The following LARGE1 variants were observed in gnomAD, a reference collection of about 807,000 sequenced individuals.
LARGE1 encodes xylosyl- and glucuronyltransferase LARGE1.
In LARGE1, 43 loss-of-function variants were observed where a neutral mutation model predicts 87.6. That is an observed-to-expected ratio of 0.49 (90% CI 0.38 to 0.63). The LOEUF (loss-of-function observed/expected upper bound fraction) is 0.63, where lower values mean the gene tolerates loss of function less well. Among genes scored for constraint, LARGE1 ranks in the 30% least tolerant of loss-of-function variants. The pLI is 0.00. For missense variants in LARGE1, 802 were observed against 1,000.2 expected (o/e 0.80, Z 2.67); for synonymous variants, 434 against 394.6 (o/e 1.10, Z -1.18).
At chr22:33,811,895 C>T (rs898701600) in intron 1 of LARGE1, among the ~76,000 whole-genome samples, 4 of 152,152 alleles carry the variant, frequency 2.6e-5, no homozygotes, top group African/African-American at 9.7e-5. Context: ...CAGCCCAGAA[C>T]TGTGACAAAT....
chr22:33,776,532 C>A lies in LARGE1; in HGVS notation c.-82-14974G>T, dbSNP rs576904561. On this transcript the variant is annotated intron_variant, in intron 1 of 14. Coordinates refer to ENST00000397394, the MANE Select transcript of LARGE1 (RefSeq NM_133642.5). Reference sequence around the variant, plus strand: ...TATGTTTTTCTTCTGAATGTTAAATCAGCCCTTAATCACATCCATGGGACT... The same window carrying A: ...TATGTTTTTCTTCTGAATGTTAAATAAGCCCTTAATCACATCCATGGGACT... 2.0e-5 allele frequency among the ~76,000 whole-genome samples: 3 copies of A among 152,328 alleles called. No individual in the cohort carries two copies. The East Asian group carries it at 5.8e-4, about 29-fold the overall frequency.
intron 11 of LARGE1, among the ~76,000 whole-genome samples, chr22:33,260,759 G>T (rs1327440483): frequency 4.6e-5 from 7 of 152,134 alleles, no homozygotes; most frequent in Admixed American, 1.3e-4. Context: ...TTCAACCTTT[G>T]CTTCCTTTAT....
chr22:33,653,398 G>A (rs1390102034), intron 2 of LARGE1, among the ~76,000 whole-genome samples: 1 of 152,204 alleles, frequency 6.6e-6, no homozygotes, highest in African/African-American at 2.4e-5. Context: ...TAGAGGTAAA[G>A]ACGCTCAGGA....
At chr22:33,207,172 A>G (rs981168373) in intron 11 of LARGE1, among the ~76,000 whole-genome samples, 1 of 152,196 alleles carries the variant, frequency 6.6e-6, no homozygotes, top group African/African-American at 2.4e-5. Flanking sequence ...TACTATGGCC[A>G]ACACTCATCC....
At chr22:33,089,022 C>T in the LARGE1 span, among the ~76,000 whole-genome samples, 11 of 152,176 alleles carry the variant, frequency 7.2e-5, no homozygotes, top group South Asian at 2.1e-4. Flanking sequence ...TCCCTCTTTT[C>T]GTGATTCCTT....
At chr22:33,303,634 A>G (rs1569032110) in intron 12 of LARGE1, among the ~76,000 whole-genome samples, 1 of 152,024 alleles carries the variant, frequency 6.6e-6, no homozygotes, top group Admixed American at 6.6e-5. Context: ...TATTATTATT[A>G]TTTTTTGAGA....
intron 11 of LARGE1, among the ~76,000 whole-genome samples, chr22:33,197,662 C>T (rs1384995189): frequency 6.6e-6 from 1 of 151,916 alleles, no homozygotes; most frequent in African/African-American, 2.4e-5. Context: ...AAGATACATA[C>T]AATATTTCTA....
intron 5 of LARGE1, among the ~76,000 whole-genome samples, chr22:33,579,265 T>A (rs528451768): frequency 6.6e-6 from 1 of 152,340 alleles, no homozygotes; most frequent in East Asian, 1.9e-4. Flanking sequence ...GGAGTTCCCC[T>A]GCACAAGCTC....
At chr22:33,230,615 GA>G (rs1193811675) in intron 11 of LARGE1, among the ~76,000 whole-genome samples, 1 of 152,202 alleles carries the variant, frequency 6.6e-6, no homozygotes, top group East Asian at 1.9e-4. Flanking sequence ...TCCAACTTCT[GA>G]GAGAAAATCC....
At chr22:33,510,666 C>T (rs1000721927) in intron 6 of LARGE1, among the ~76,000 whole-genome samples, 11 of 152,194 alleles carry the variant, frequency 7.2e-5, no homozygotes, top group African/African-American at 2.2e-4. Flanking sequence ...ACCTTGGCCT[C>T]GCAGGCTCAA....
intron 9 of LARGE1, among the ~76,000 whole-genome samples, chr22:33,357,896 T>A (rs988831479): frequency 3.3e-5 from 5 of 152,204 alleles, no homozygotes; most frequent in Admixed American, 6.5e-5. Flanking sequence ...TTCCATCTCT[T>A]CTATAAAGTC....
intron 6 of LARGE1, among the ~76,000 whole-genome samples, chr22:33,513,019 G>T (rs1053207655): frequency 6.6e-6 from 1 of 151,978 alleles, no homozygotes; most frequent in East Asian, 1.9e-4. Flanking sequence ...GCAAAAGGAG[G>T]TGCCTAATGC....
chr22:33,119,628 C>T, the LARGE1 span, among the ~76,000 whole-genome samples: 4 of 152,200 alleles, frequency 2.6e-5, no homozygotes, highest in Middle Eastern at 3.4e-3. Context: ...TGAATAGATT[C>T]CTGTCCCAAA....
At chr22:33,494,591 T>C (rs942346556) in intron 6 of LARGE1, among the ~76,000 whole-genome samples, 5 of 152,178 alleles carry the variant, frequency 3.3e-5, no homozygotes, top group African/African-American at 1.2e-4. Context: ...TTTTAAATGG[T>C]TCCAAGCTCT....
At chr22:33,313,713 C>A (rs1297184398) in intron 11 of LARGE1, among the ~76,000 whole-genome samples, 2 of 152,156 alleles carry the variant, frequency 1.3e-5, no homozygotes, top group Non-Finnish European at 2.9e-5. Context: ...GGAAATGGGA[C>A]CTCCATCCTG....
At chr22:33,362,042 T>C (rs1244680719) in intron 9 of LARGE1, among the ~76,000 whole-genome samples, 2 of 149,388 alleles carry the variant, frequency 1.3e-5, no homozygotes, top group Non-Finnish European at 3.0e-5. Flanking sequence ...TTTCACAGAA[T>C]TCTCTCATGC....
At chr22:33,212,183 C>CT (rs1243891214) in intron 11 of LARGE1, among the ~76,000 whole-genome samples, 1 of 152,000 alleles carries the variant, frequency 6.6e-6, no homozygotes, top group African/African-American at 2.4e-5. Context: ...CTAGGACTTT[C>CT]TTAGCTAGAG....
the LARGE1 span, among the ~76,000 whole-genome samples, chr22:33,129,881 C>G: frequency 6.6e-6 from 1 of 152,180 alleles, no homozygotes; most frequent in Non-Finnish European, 1.5e-5. Flanking sequence ...CAACCTTTGA[C>G]ACGTGGGGAT....
intron 11 of LARGE1, among the ~76,000 whole-genome samples, chr22:33,238,418 G>C (rs1371158821): frequency 6.6e-6 from 1 of 152,102 alleles, no homozygotes; most frequent in African/African-American, 2.4e-5. Context: ...GGCGTGATTT[G>C]ACAATATCTG....
Sources: allele counts gnomAD v4.1 joint callset (sites outside exome capture counted in the v4.1 genomes callset), GRCh38; gene constraint gnomAD v4.1.1; transcripts MANE v1.5; gene names NCBI Gene and HGNC (gene_info 2026-07-23, HGNC 2026-07-21).